The following EPN2 variants were observed in gnomAD, a reference collection of about 807,000 sequenced individuals.
EPN2 encodes epsin-2.
In EPN2, 34 loss-of-function variants were observed where a neutral mutation model predicts 61.7. The ratio of observed to expected loss-of-function variants is 0.55; its 90% CI spans 0.42 to 0.73. The LOEUF is 0.73. Ranked by LOEUF, EPN2 falls within the 30% of genes least tolerant of loss-of-function variation. EPN2 has a pLI of 0.00. For synonymous variants in EPN2, 349 were observed against 353.6 expected (o/e 0.99, Z 0.15); for missense variants, 714 against 839.2 (o/e 0.85, Z 1.84).
Position 19,331,849 on chromosome 17 carries a change from G to A in EPN2, c.1412-4G>A, listed in dbSNP as rs776026871. On this transcript the variant is annotated splice_region_variant and splice_polypyrimidine_tract_variant and intron_variant, in intron 9 of 10. Coordinates refer to ENST00000314728, the MANE Select transcript of EPN2 (RefSeq NM_014964.5). ...ACCCTGCCATATGTGTCCTTGTCTT[G>A]TAGCCGAATCTGTGACCTCTCTGCC... The A allele has an allele frequency of 7.4e-6, 12 of 1,613,672 alleles. No homozygotes were observed. In the South Asian group the frequency reaches 1.2e-4, roughly 16 times the overall value.
intron 1 of EPN2, among the ~76,000 whole-genome samples, chr17:19,273,874 A>G (rs771992274): frequency 9.2e-5 from 14 of 152,180 alleles, no homozygotes; most frequent in Non-Finnish European, 1.5e-4. Flanking sequence ...GAGTCATAAT[A>G]GTCTTTTCTC....
intron 1 of EPN2, among the ~76,000 whole-genome samples, chr17:19,243,663 G>A (rs570299862): frequency 1.1e-4 from 17 of 152,210 alleles, no homozygotes; most frequent in Non-Finnish European, 2.4e-4. Flanking sequence ...AAACTGCTGG[G>A]ATTACAGGCA....
intron 1 of EPN2, among the ~76,000 whole-genome samples, chr17:19,253,180 G>C (rs1364345519): frequency 6.6e-6 from 1 of 152,012 alleles, no homozygotes; most frequent in Non-Finnish European, 1.5e-5. Flanking sequence ...GTCTCTATGG[G>C]GTTTGCCTAT....
chr17:19,329,775 G>T, intron 9 of EPN2, 128 bp downstream of exon 9: 1 of 624,302 alleles, frequency 1.6e-6, no homozygotes, highest in Non-Finnish European at 2.8e-6. Context: ...GATCTTGGGA[G>T]CCTGAAGTTT....
Position 19,312,113 on chromosome 17 carries a change from G to A in EPN2, c.941G>A (p.Arg314Lys). ...CAGATGGCCCTGGAAGAAAGCCGAA[G>A]GGACACAGTTAAAATTCCAAAAAAG... ...RLQMALEESR[R>K]DTVKIPKKKE... Residue 314 changes from arginine to lysine, a missense_variant, in exon 6 of 11, where the codon AGG becomes AAG. Around this residue, in one of 2 missense-constraint regions of EPN2, gnomAD observed 410 missense variants for 421.8 expected, o/e 0.97. Transcript: ENST00000314728. 1 of 1,614,112 alleles carries A rather than the reference G, an allele frequency of 6.2e-7. No individual in the cohort carries two copies. Among genetic ancestry groups the A allele is most frequent in the East Asian group, 2.2e-5 (1 of 44,880 alleles).
chr17:19,320,669 C>A (rs1906597381), intron 7 of EPN2, among the ~76,000 whole-genome samples: 1 of 152,198 alleles, frequency 6.6e-6, no homozygotes, highest in African/African-American at 2.4e-5. Context: ...TAGTCTGGTG[C>A]CCCCTGGCCC....
intron 4 of EPN2, among the ~76,000 whole-genome samples, chr17:19,286,478 T>A (rs908080272): frequency 6.6e-6 from 1 of 152,192 alleles, no homozygotes; most frequent in African/African-American, 2.4e-5. Flanking sequence ...CAGGTTAAAC[T>A]GAAAACAGAT....
intron 1 of EPN2, among the ~76,000 whole-genome samples, chr17:19,280,541 G>C (rs1371928608): frequency 1.3e-5 from 2 of 152,208 alleles, no homozygotes; most frequent in Non-Finnish European, 2.9e-5. Context: ...GATAGAGTCA[G>C]ATTCCTTGAC....
At chr17:19,271,734 CAG>C (rs1178079476) in intron 1 of EPN2, 4 of 152,316 alleles carry the variant, frequency 2.6e-5, no homozygotes, top group Non-Finnish European at 5.9e-5. Flanking sequence ...GGTGGGAAGG[CAG>C]AGGTGAGCAA....
chr17:19,251,429 G>C (rs2045013968), intron 1 of EPN2, among the ~76,000 whole-genome samples: 1 of 152,026 alleles, frequency 6.6e-6, no homozygotes, highest in African/African-American at 2.4e-5. Flanking sequence ...AGATCCCTGA[G>C]TTTGCAGACA....
At chr17:19,293,482 CACCTT>C (rs1444788698) in intron 4 of EPN2, among the ~76,000 whole-genome samples, 4 of 150,234 alleles carry the variant, frequency 2.7e-5, no homozygotes, top group Non-Finnish European at 5.9e-5. Context: ...GTGATGCTCT[CACCTT>C]AACCTCCTGG....
chr17:19,321,113 C>T (rs572051054), intron 7 of EPN2, among the ~76,000 whole-genome samples: 3 of 152,264 alleles, frequency 2.0e-5, no homozygotes, highest in East Asian at 3.9e-4. Context: ...AACTGCATGG[C>T]GGGCTGGCAT....
At chr17:19,323,335 C>T (rs1358195652) in intron 7 of EPN2, among the ~76,000 whole-genome samples, 2 of 152,116 alleles carry the variant, frequency 1.3e-5, no homozygotes, top group Admixed American at 6.5e-5. Context: ...GGGGTAAACA[C>T]GGGAGCAGAG....
At chr17:19,242,132 G>A (rs1434345977) in intron 1 of EPN2, among the ~76,000 whole-genome samples, 112 of 115,284 alleles carry the variant, frequency 9.7e-4, no homozygotes, top group East Asian at 1.1e-3. Flanking sequence ...TGTTTGATCT[G>A]AAAAAAAAAA....
chr17:19,255,506 T>C (rs1022679260), intron 1 of EPN2, among the ~76,000 whole-genome samples: 3 of 150,576 alleles, frequency 2.0e-5, no homozygotes, highest in African/African-American at 7.3e-5. Flanking sequence ...TGGATTTCTT[T>C]AACCCAGTGA....
At chr17:19,309,264 G>A (rs755108966) in intron 4 of EPN2, among the ~76,000 whole-genome samples, 1 of 151,644 alleles carries the variant, frequency 6.6e-6, no homozygotes, top group African/African-American at 2.4e-5. Flanking sequence ...CCTGCTAGCT[G>A]GGATTATAGG....
intron 1 of EPN2, among the ~76,000 whole-genome samples, chr17:19,245,688 G>A (rs757619335): frequency 6.7e-6 from 1 of 148,674 alleles, no homozygotes; most frequent in Non-Finnish European, 1.5e-5. Context: ...TAAAGATGGA[G>A]TTTTGCTCTT....
intron 1 of EPN2, among the ~76,000 whole-genome samples, chr17:19,238,024 G>T (rs1177380809): frequency 6.6e-6 from 1 of 151,908 alleles, no homozygotes; most frequent in African/African-American, 2.4e-5. Context: ...TCGGGGGAGG[G>T]GTCCTTATCT....
intron 7 of EPN2, among the ~76,000 whole-genome samples, chr17:19,318,825 T>A (rs151137995): frequency 4.1e-4 from 63 of 152,200 alleles, no homozygotes; most frequent in African/African-American, 1.4e-3. Context: ...AGCGTGCTGC[T>A]GGCTCATGGA....
Sources: allele counts gnomAD v4.1 joint callset (sites outside exome capture counted in the v4.1 genomes callset), GRCh38; gene constraint gnomAD v4.1.1; regional missense constraint gnomAD v4.1.1; transcripts MANE v1.5; gene names NCBI Gene and HGNC (gene_info 2026-07-23, HGNC 2026-07-21).